PIGP: variants seen among roughly 807,000 people sequenced by gnomAD.
The protein encoded by PIGP is phosphatidylinositol N-acetylglucosaminyltransferase subunit P.
A neutral mutation model predicts 16.9 loss-of-function variants in PIGP; 12 were observed. The observed-to-expected ratio is 0.71, with a 90% CI of 0.46 to 1.15. PIGP has a LOEUF of 1.15. PIGP is among the 50% of genes most tolerant of loss of function. The pLI is 0.00. For synonymous variants in PIGP, 57 were observed against 54.7 expected (o/e 1.04, Z -0.18); for missense variants, 159 against 153.5 (o/e 1.04, Z -0.19).
intron 3 of PIGP, among the ~76,000 whole-genome samples, chr21:37,069,008 C>A (rs2069953915): frequency 6.6e-6 from 1 of 152,140 alleles, no homozygotes; most frequent in South Asian, 2.1e-4. Flanking sequence ...GAGGGCAGGG[C>A]AGGCCTCCCA....
At position 37,072,520 on chromosome 21, in the gene PIGP, C is replaced by T; in HGVS notation, c.-5G>A. The T allele has an allele frequency of 6.2e-7, 1 of 1,614,254 alleles. No homozygotes were observed. Among genetic ancestry groups the T allele is most frequent in the South Asian group, 1.1e-5 (1 of 91,086 alleles). On this transcript the variant is annotated 5_prime_UTR_variant, in exon 2 of 5. Coordinates refer to ENST00000360525, the MANE Select transcript of PIGP (RefSeq NM_153682.3). ...CGACGGTGAATTTTCCACCATTTTT[C>T]CTGGGGCTTTAGACAATCTGTGGAA... is the stretch of plus-strand genomic sequence containing the variant.
intron 4 of PIGP, 58 bp from the exon 5 acceptor site, chr21:37,065,770 T>C: frequency 6.6e-7 from 1 of 1,525,934 alleles, no homozygotes; most frequent in Non-Finnish European, 9.0e-7. Flanking sequence ...ACAGTCTCTG[T>C]GTCTGATGGA....
intron 4 of PIGP, among the ~76,000 whole-genome samples, chr21:37,066,921 C>G (rs1198002571): frequency 1.3e-5 from 2 of 149,746 alleles, no homozygotes; most frequent in Admixed American, 1.3e-4. Flanking sequence ...CAAATATTTC[C>G]TTTTATATAA....
chr21:37,067,151 C>T (rs918491196), intron 4 of PIGP, 111 bp downstream of exon 4: 14 of 670,540 alleles, frequency 2.1e-5, no homozygotes, highest in African/African-American at 9.1e-5. Flanking sequence ...GGATTACAGA[C>T]GCGCACCACC....
intron 2 of PIGP, 40 bp from the exon 3 acceptor site, chr21:37,069,664 AG>A: frequency 7.7e-7 from 1 of 1,301,350 alleles, no homozygotes. Flanking sequence ...AAGAGAAGTC[AG>A]TAAGACATAC....
intron 3 of PIGP, among the ~76,000 whole-genome samples, chr21:37,067,610 C>T (rs1368974038): frequency 1.3e-5 from 2 of 152,194 alleles, no homozygotes; most frequent in Non-Finnish European, 2.9e-5. Context: ...AGCACTTGAG[C>T]TGTCTTCTGG....
At chr21:37,067,405 A>C (rs2146806461) in intron 3 of PIGP, 25 bp from the exon 4 acceptor site, 1 of 1,233,274 alleles carries the variant, frequency 8.1e-7, no homozygotes, top group Non-Finnish European at 1.2e-6. Flanking sequence ...ATTAAAGTAC[A>C]TAATAGACAC....
At chr21:37,072,294 A>T in intron 2 of PIGP, 140 bp downstream of exon 2, 1 of 1,603,528 alleles carries the variant, frequency 6.2e-7, no homozygotes, top group Non-Finnish European at 8.5e-7. Flanking sequence ...AGCAAACACG[A>T]GATCCCTTCA....
chr21:37,068,593 G>T (rs1231582090), intron 3 of PIGP, among the ~76,000 whole-genome samples: 1 of 151,766 alleles, frequency 6.6e-6, no homozygotes, highest in Non-Finnish European at 1.5e-5. Flanking sequence ...TGGTAACTTA[G>T]AGTAGTCCAT....
At chr21:37,068,333 C>A (rs959167876) in intron 3 of PIGP, among the ~76,000 whole-genome samples, 6 of 150,898 alleles carry the variant, frequency 4.0e-5, no homozygotes, top group South Asian at 2.1e-4. Flanking sequence ...CTAGAGATTA[C>A]CTTTGTTTTA....
At chr21:37,071,044 A>G (rs2069996831) in intron 2 of PIGP, among the ~76,000 whole-genome samples, 1 of 152,212 alleles carries the variant, frequency 6.6e-6, no homozygotes, top group Non-Finnish European at 1.5e-5. Flanking sequence ...TACAGGCGTG[A>G]GCCACCAGGC....
chr21:37,071,430 C>T (rs1260639370), intron 2 of PIGP, among the ~76,000 whole-genome samples: 4 of 152,214 alleles, frequency 2.6e-5, no homozygotes, highest in African/African-American at 4.8e-5. Context: ...CATTTAATAA[C>T]CATCATTATC....
chr21:37,066,955 GCTT>G (rs1331450888), intron 4 of PIGP, among the ~76,000 whole-genome samples: 2 of 146,882 alleles, frequency 1.4e-5, no homozygotes, highest in African/African-American at 2.5e-5. Flanking sequence ...TCTCTTAGTA[GCTT>G]CTTTTTACTG....
intron 2 of PIGP, 90 bp downstream of exon 2, chr21:37,072,344 G>C: frequency 3.1e-6 from 5 of 1,596,598 alleles, no homozygotes; most frequent in Middle Eastern, 3.3e-4. Flanking sequence ...AGAATCAACA[G>C]TTCATGTGTG....
chr21:37,069,107 C>T (rs1248298235), intron 3 of PIGP, among the ~76,000 whole-genome samples: 1 of 152,162 alleles, frequency 6.6e-6, no homozygotes, highest in African/African-American at 2.4e-5. Context: ...AAAGAGCTAC[C>T]TGGTACCCCA....
chr21:37,066,015 G>A (rs745455883), intron 4 of PIGP, among the ~76,000 whole-genome samples: 88 of 151,922 alleles, frequency 5.8e-4, no homozygotes, highest in Non-Finnish European at 1.1e-3. Context: ...CCCAGGGGGC[G>A]GAGCCTGCAG....
chr21:37,071,134 GA>G (rs1326117049), intron 2 of PIGP, among the ~76,000 whole-genome samples: 37 of 152,284 alleles, frequency 2.4e-4, no homozygotes, highest in African/African-American at 8.2e-4. Context: ...TTTGAACAAG[GA>G]TTTACAAAAG....
intron 2 of PIGP, among the ~76,000 whole-genome samples, chr21:37,071,013 G>C (rs915840430): frequency 2.0e-5 from 3 of 152,114 alleles, no homozygotes; most frequent in Non-Finnish European, 2.9e-5. Flanking sequence ...TGCCTGCCTC[G>C]GCCACCCAAA....
In PIGP at chr21:37,072,494, G is replaced by C. The variant is rs201170767; in HGVS notation, c.22C>G (p.Pro8Ala). Reference sequence around the variant, plus strand: ...CCATAAATCGCTCTTTCTGGCAATGGCGACGGTGAATTTTCCACCATTTTT... The same window carrying C: ...CCATAAATCGCTCTTTCTGGCAATGCCGACGGTGAATTTTCCACCATTTTT... MVENSPS[P>A]LPERAIYGFV... The change falls in exon 2 of 5, where the codon CCA becomes GCA. Residue 8 changes from proline (P) to alanine (A), a missense_variant. Coordinates refer to ENST00000360525, the MANE Select transcript of PIGP (RefSeq NM_153682.3). The C allele has an allele frequency of 1.3e-5, 21 of 1,614,238 alleles. No homozygotes were observed. The Admixed American group carries it at 1.5e-4, about 12-fold the overall frequency.
Sources: gnomAD v4.1 joint callset for allele counts (sites outside exome capture counted in the v4.1 genomes callset) on GRCh38, gnomAD v4.1.1 for gene constraint, MANE v1.5 for transcripts, NCBI Gene and HGNC (gene_info 2026-07-23, HGNC 2026-07-21) for gene names.